Variants in MAST4 observed in about 807,000 individuals in gnomAD.
MAST4 encodes microtubule-associated serine/threonine-protein kinase 4.
MAST4 carries 89 observed loss-of-function variants against 162.7 expected under a neutral mutation model. The ratio of observed to expected loss-of-function variants is 0.55; its 90% CI spans 0.46 to 0.65. MAST4 has a LOEUF of 0.65. MAST4 is among the 30% of genes least tolerant of loss of function. MAST4 has a pLI of 0.00. For synonymous variants in MAST4, 1,479 were observed against 1,361.1 expected, an observed-to-expected ratio of 1.09 and a Z score of -1.91; for missense variants, 3,153 against 3,374.0, an observed-to-expected ratio of 0.93 and a Z score of 1.62.
chr5:66,893,605 TTAAA>T (rs1762499856), intron 3 of MAST4, among the ~76,000 whole-genome samples: 1 of 152,104 alleles, frequency 6.6e-6, no homozygotes, highest in Admixed American at 6.6e-5. Flanking sequence ...AAAAAGAAAA[TTAAA>T]TAAAATCTGT....
chr5:66,807,230 C>T (rs1406377117), intron 3 of MAST4, among the ~76,000 whole-genome samples: 2 of 152,222 alleles, frequency 1.3e-5, no homozygotes, highest in African/African-American at 2.4e-5. Context: ...GGTGCGGTGG[C>T]TCACGCCTGT....
At chr5:66,777,651 T>C (rs988614062) in intron 2 of MAST4, among the ~76,000 whole-genome samples, 10 of 152,118 alleles carry the variant, frequency 6.6e-5, no homozygotes, top group African/African-American at 2.4e-4. Flanking sequence ...GAGTGAAATC[T>C]TAGAAAGGGT....
chr5:66,639,965 T>C (rs1032454397), intron 1 of MAST4, among the ~76,000 whole-genome samples: 1 of 152,198 alleles, frequency 6.6e-6, no homozygotes, highest in Non-Finnish European at 1.5e-5. Context: ...ATCTAAACAC[T>C]ATTCTCAACA....
At chr5:67,029,636 T>A (rs1462213831) in intron 4 of MAST4, among the ~76,000 whole-genome samples, 1 of 152,140 alleles carries the variant, frequency 6.6e-6, no homozygotes, top group Admixed American at 6.6e-5. Flanking sequence ...GTGTTTTGAT[T>A]GTTGGGTTTT....
chr5:66,609,973 C>T (rs1743185971), intron 1 of MAST4, among the ~76,000 whole-genome samples: 1 of 152,058 alleles, frequency 6.6e-6, no homozygotes. Flanking sequence ...TTTATTGTCT[C>T]ACAGTTCTGG....
chr5:67,160,420 G>A, intron 26 of MAST4, 36 bp from the exon 27 acceptor site: 1 of 1,588,822 alleles, frequency 6.3e-7, no homozygotes, highest in Non-Finnish European at 8.6e-7. Context: ...CTTCATCACA[G>A]CATTTCCCTT....
At chr5:66,872,081 T>G (rs1449011533) in intron 3 of MAST4, among the ~76,000 whole-genome samples, 2 of 152,180 alleles carry the variant, frequency 1.3e-5, no homozygotes, top group African/African-American at 4.8e-5. Context: ...ACCTCTGATA[T>G]AATGCTAGTT....
chr5:66,982,448 G>C (rs757169062), intron 4 of MAST4, among the ~76,000 whole-genome samples: 1 of 152,120 alleles, frequency 6.6e-6, no homozygotes, highest in Admixed American at 6.5e-5. Context: ...TGTCATAAAA[G>C]AATATTTATT....
chr5:66,780,508 C>G (rs1272307489), intron 2 of MAST4, among the ~76,000 whole-genome samples: 1 of 152,166 alleles, frequency 6.6e-6, no homozygotes, highest in Admixed American at 6.5e-5. Flanking sequence ...AGCTGCGGAC[C>G]TTCGTGGCGA....
chr5:66,934,824 C>CATCAAA (rs1742554820), intron 4 of MAST4, among the ~76,000 whole-genome samples: 1 of 152,154 alleles, frequency 6.6e-6, no homozygotes, highest in South Asian at 2.1e-4. Context: ...TGTTGTCAAA[C>CATCAAA]CATGAGCTCT....
chr5:66,792,528 A>G (rs150107479), intron 3 of MAST4: 2 of 153,754 alleles, frequency 1.3e-5, no homozygotes, highest in Non-Finnish European at 2.9e-5. Context: ...ATAAATAATT[A>G]TTTATGGAAA....
intron 3 of MAST4, among the ~76,000 whole-genome samples, chr5:66,870,415 G>A (rs1760843294): frequency 6.6e-6 from 1 of 152,170 alleles, no homozygotes; most frequent in Admixed American, 6.5e-5. Flanking sequence ...ATTTCAGGAA[G>A]ATGGACTTCA....
rs258266 is a variant in MAST4 at position 66,803,950 on chromosome 5, T to G, written c.642+15156T>G. 9.8e-3 allele frequency among the ~76,000 whole-genome samples: 1,482 copies of G among 151,718 alleles called. 13 individuals carry two copies. The highest frequency in any genetic ancestry group is 0.022 in the African/African-American group (901 of 41,392). Reference sequence around the variant, plus strand: ...ATAAATGCTATGGGCTTTTTTTTTTTAAAAAGCTCTGTATCAGGTGAAGAA... The same window carrying G: ...ATAAATGCTATGGGCTTTTTTTTTTGAAAAAGCTCTGTATCAGGTGAAGAA... On this transcript the variant is annotated intron_variant, in intron 3 of 28. Coordinates refer to ENST00000403625, the MANE Select transcript of MAST4 (RefSeq NM_001164664.2).
Position 67,078,911 on chromosome 5 carries a change from A to AATAAATATATATATATATAATATAT in MAST4, c.764-11248_764-11247insAATATATATATATATAATATATATA, listed in dbSNP as rs1227485756. ...TTATATATTTATATATTTTTATATA[A>AATAAATATATATATATATAATATAT]ATATATATATATATATATATATATA... On this transcript the variant is annotated intron_variant, in intron 5 of 28. Transcript: ENST00000403625. 2.1e-3 allele frequency among the ~76,000 whole-genome samples: 81 copies of AATAAATATATATATATATAATATAT among 38,096 alleles called. 3 individuals carry two copies. The highest frequency in any genetic ancestry group is 2.7e-3 in the Non-Finnish European group (61 of 22,718). The allele number at this position is 38,096 out of a possible 152,430, so 25.0% of individuals were successfully genotyped here.
Position 67,054,487 on chromosome 5 carries a change from A to G in MAST4, c.758A>G (p.His253Arg), listed in dbSNP as rs572150150. Residue 253 changes from histidine (H) to arginine (R), a missense_variant, in exon 5 of 29, where the codon CAT (histidine) becomes CGT (arginine). Transcript: ENST00000403625. ...CGACCACACTCACCTCTCTCTGCTC[A>G]TGCAGGTAATTGGTTACCATTTCTT... ...LPRPHSPLSA[H>R]AGNSPQDSPR... 2.6e-5 allele frequency: 42 copies of G among 1,607,874 alleles called. No individual in the cohort carries two copies. In the East Asian group the frequency reaches 8.1e-4, roughly 31 times the overall value.
At position 67,133,295 on chromosome 5, in the gene MAST4, C is replaced by T. The variant is rs1769227472; in HGVS notation, c.2094-219C>T. ...TGGCTGCTCCAACAAAGATTAGCTA[C>T]ACCTTGTCTCTAGCCCTCCCTTGTG... On this transcript the variant is annotated intron_variant, in intron 16 of 28. Transcript: ENST00000403625. Among the ~76,000 whole-genome samples the T allele has an allele frequency of 3.3e-5, 5 of 152,032 alleles. 1 individual carries two copies. The South Asian group carries it at 1.0e-3, about 31-fold the overall frequency.
At chr5:66,643,250 C>A (rs1388750100) in intron 1 of MAST4, among the ~76,000 whole-genome samples, 3 of 152,106 alleles carry the variant, frequency 2.0e-5, no homozygotes, top group African/African-American at 7.2e-5. Flanking sequence ...GAAGAAGGGA[C>A]TATTTGGACT....
chr5:67,056,622 T>C (rs1484618622), intron 5 of MAST4, among the ~76,000 whole-genome samples: 1 of 152,176 alleles, frequency 6.6e-6, no homozygotes, highest in Non-Finnish European at 1.5e-5. Flanking sequence ...GCTTAAGTTC[T>C]TTCTCCTTCA....
At chr5:66,749,711 CCA>C (rs921539876) in intron 1 of MAST4, among the ~76,000 whole-genome samples, 2 of 152,146 alleles carry the variant, frequency 1.3e-5, no homozygotes, top group African/African-American at 4.8e-5. Context: ...TACTGCCACC[CCA>C]GTAGATAGAT....
Sources: gnomAD v4.1 joint callset for allele counts (sites outside exome capture counted in the v4.1 genomes callset) on GRCh38, gnomAD v4.1.1 for gene constraint, MANE v1.5 for transcripts, NCBI Gene and HGNC (gene_info 2026-07-23, HGNC 2026-07-21) for gene names.